The following RASA3 variants were observed in gnomAD, a reference collection of about 807,000 sequenced individuals.
The protein encoded by RASA3 is ras GTPase-activating protein 3.
Under a neutral mutation model 110.0 loss-of-function variants are expected in RASA3, and 73 were observed. The observed-to-expected ratio is 0.66, with a 90% confidence interval of 0.55 to 0.81. The LOEUF is 0.81. RASA3 is among the 30% of genes least tolerant of loss of function. The pLI is 0.00. For synonymous variants in RASA3, 500 were observed against 451.4 expected, an observed-to-expected ratio of 1.11 and a Z score of -1.37; for missense variants, 976 against 1,113.2, an observed-to-expected ratio of 0.88 and a Z score of 1.75.
chr13:114,057,513 G>A lies in RASA3; in HGVS notation c.174-5358C>T, dbSNP rs747597209. ...GAGGGTTCGTTCAGCTTCTTAGACCGATGATTTATTTAGGGAATAAGAAGG... is the reference window on the plus strand; with the variant it reads ...GAGGGTTCGTTCAGCTTCTTAGACCAATGATTTATTTAGGGAATAAGAAGG... On this transcript the variant is annotated intron_variant, in intron 2 of 23. Transcript: ENST00000334062. The surrounding 1 kb of genome is among the most constrained non-coding windows in gnomAD (Gnocchi z 5.0). 4.5e-5 allele frequency: 44 copies of A among 985,146 alleles called. No homozygotes were observed. Among genetic ancestry groups the A allele is most frequent in the Non-Finnish European group, 5.2e-5 (43 of 829,808 alleles). The allele number at this position is 985,146 out of a possible 1,614,324, so 61.0% of individuals were successfully genotyped here.
At chr13:114,018,005 C>T in intron 11 of RASA3, 99 bp downstream of exon 11, 1 of 1,321,726 alleles carries the variant, frequency 7.6e-7, no homozygotes, top group Non-Finnish European at 9.9e-7. Context: ...CCTTGAATTC[C>T]CTCAAGCCCT....
intron 21 of RASA3, among the ~76,000 whole-genome samples, chr13:113,994,196 G>A (rs2053183733): frequency 6.6e-6 from 1 of 152,158 alleles, no homozygotes; most frequent in Non-Finnish European, 1.5e-5. Context: ...TGTAAAAAAA[G>A]AAGTGGGTTT....
chr13:114,120,806 G>A (rs2080366555), intron 1 of RASA3, among the ~76,000 whole-genome samples: 1 of 152,268 alleles, frequency 6.6e-6, no homozygotes, highest in Non-Finnish European at 1.5e-5. Context: ...CCAGGCACGG[G>A]TGAGGAGGAA....
chr13:114,057,333 T>C lies in RASA3; in HGVS notation c.174-5178A>G, dbSNP rs2079262934. The C allele has an allele frequency of 1.0e-6, 1 of 985,360 alleles. No individual in the cohort carries two copies. Among genetic ancestry groups the C allele is most frequent in the South Asian group, 4.7e-5 (1 of 21,288 alleles). 61.0% of individuals were successfully genotyped at this position (985,360 alleles called of 1,614,324 possible). On this transcript the variant is annotated intron_variant, in intron 2 of 23. Coordinates refer to ENST00000334062, the MANE Select transcript of RASA3 (RefSeq NM_007368.4). This position sits in a 1 kb window ranked among gnomAD's most constrained non-coding sequence, Gnocchi z 5.0. ...AACGGAGCTCTGAGCCACCAACCAC[T>C]GTGACCAAGCTTCATTCCCACGAGC...
chr13:114,049,630 G>A (rs762756587), intron 3 of RASA3, among the ~76,000 whole-genome samples: 3 of 152,244 alleles, frequency 2.0e-5, no homozygotes, highest in South Asian at 4.1e-4. Flanking sequence ...AGCTGGTGAC[G>A]AGGCCTGACA....
intron 1 of RASA3, among the ~76,000 whole-genome samples, chr13:114,110,767 C>T (rs1011243478): frequency 6.6e-6 from 1 of 152,224 alleles, no homozygotes; most frequent in East Asian, 1.9e-4. Context: ...CAGCCCGGAC[C>T]GGAGCCTCAG....
intron 1 of RASA3, among the ~76,000 whole-genome samples, chr13:114,113,708 G>A (rs1377182142): frequency 2.5e-5 from 1 of 39,620 alleles, no homozygotes; most frequent in Non-Finnish European, 4.4e-5. Flanking sequence ...GCGTCCATCA[G>A]TCCACCCACC....
intron 3 of RASA3, 36 bp from the exon 4 acceptor site, chr13:114,041,130 C>T (rs768498162): frequency 1.3e-6 from 2 of 1,582,198 alleles, no homozygotes; most frequent in Non-Finnish European, 1.7e-6. Flanking sequence ...ACCACGGGCA[C>T]AGGCCCCAGA....
In RASA3 at chr13:114,096,603, AC is replaced by A. The variant is rs1256636479; in HGVS notation, c.56-22767del. 1.3e-5 allele frequency among the ~76,000 whole-genome samples: 2 copies of A among 152,138 alleles called. No homozygotes were observed. The highest frequency in any genetic ancestry group is 1.3e-4 in the Admixed American group (2 of 15,272). ...TAACCCGATTGCTCCTATGGGAACAACTGCTCCTTTCCAGCCAAATGACCCA... is the reference window on the plus strand; with the variant it reads ...TAACCCGATTGCTCCTATGGGAACAATGCTCCTTTCCAGCCAAATGACCCA... On this transcript the variant is annotated intron_variant, in intron 1 of 23. Coordinates refer to ENST00000334062, the MANE Select transcript of RASA3 (RefSeq NM_007368.4). The surrounding 1 kb of genome is among the most constrained non-coding windows in gnomAD (Gnocchi z 5.1).
At chr13:114,071,106 T>C (rs943460274) in intron 2 of RASA3, among the ~76,000 whole-genome samples, 17 of 152,236 alleles carry the variant, frequency 1.1e-4, no homozygotes, top group Non-Finnish European at 1.9e-4. Context: ...TTGCTATCAG[T>C]CTTTTGTTGT....
chr13:114,011,132 G>C lies in RASA3; in HGVS notation c.1590+39C>G. On this transcript the variant is annotated intron_variant, in intron 16 of 23. Transcript: ENST00000334062. This position sits in a 1 kb window ranked among gnomAD's most constrained non-coding sequence, Gnocchi z 4.8. ...ATTTTCTGAAGAGAGAAAAGAATCA[G>C]TTGTCCCTAAAAAGAGAAAATGAAG... The C allele has an allele frequency of 6.6e-7, 1 of 1,523,496 alleles. No homozygotes were observed. Among genetic ancestry groups the C allele is most frequent in the Non-Finnish European group, 9.1e-7 (1 of 1,101,370 alleles). 94.4% of individuals were successfully genotyped at this position (1,523,496 alleles called of 1,614,324 possible).
intron 7 of RASA3, 70 bp from the exon 8 acceptor site, chr13:114,024,425 C>A: frequency 2.2e-6 from 3 of 1,366,030 alleles, no homozygotes; most frequent in Non-Finnish European, 3.1e-6. Flanking sequence ...CGGACCTAGG[C>A]CCCGGGCTGC....
intron 1 of RASA3, among the ~76,000 whole-genome samples, chr13:114,126,160 G>A (rs1443338855): frequency 1.6e-5 from 2 of 123,682 alleles, no homozygotes; most frequent in African/African-American, 3.1e-5. Context: ...CAGAGGTACC[G>A]GCACCTGCTG....
chr13:114,117,136 T>A (rs2080293173), intron 1 of RASA3, among the ~76,000 whole-genome samples: 1 of 116,314 alleles, frequency 8.6e-6, no homozygotes, highest in East Asian at 2.7e-4. Flanking sequence ...TGCATGTGTG[T>A]GAGGAGAGCA....
chr13:114,041,339 GC>G (rs1323251367), intron 3 of RASA3, among the ~76,000 whole-genome samples: 4 of 152,252 alleles, frequency 2.6e-5, no homozygotes, highest in African/African-American at 9.6e-5. Flanking sequence ...AAAGGAATGA[GC>G]CGGGCATGGT....
At chr13:114,066,997 G>GC (rs1166464598) in intron 2 of RASA3, among the ~76,000 whole-genome samples, 1 of 148,776 alleles carries the variant, frequency 6.7e-6, no homozygotes, top group African/African-American at 2.5e-5. Context: ...CTGAGGACGG[G>GC]CCCCCCAACC....
intron 4 of RASA3, among the ~76,000 whole-genome samples, chr13:114,040,178 G>A (rs2054368465): frequency 6.6e-6 from 1 of 152,196 alleles, no homozygotes; most frequent in Non-Finnish European, 1.5e-5. Flanking sequence ...TCCATGCACG[G>A]AGCCCAGGCT....
At chr13:114,062,188 GTT>G (rs56360014) in intron 2 of RASA3, among the ~76,000 whole-genome samples, 1 of 148,702 alleles carries the variant, frequency 6.7e-6, no homozygotes, top group East Asian at 2.0e-4. Flanking sequence ...TTTCCTGTGG[GTT>G]TTTTTTTTAC....
At chr13:114,032,359 C>T (rs975684601) in intron 4 of RASA3, among the ~76,000 whole-genome samples, 5 of 152,138 alleles carry the variant, frequency 3.3e-5, no homozygotes, top group African/African-American at 1.2e-4. Flanking sequence ...AAATCAAAAA[C>T]GCTCTATATC....
Sources: gnomAD v4.1 joint callset for allele counts (sites outside exome capture counted in the v4.1 genomes callset) on GRCh38, gnomAD v4.1.1 for gene constraint, Gnocchi (gnomAD v3.1) non-coding constraint, MANE v1.5 for transcripts, NCBI Gene and HGNC (gene_info 2026-07-23, HGNC 2026-07-21) for gene names.